Variants in MMP15 observed in about 807,000 individuals in gnomAD.
MMP15 encodes the protein matrix metalloproteinase-15.
Under a neutral mutation model 65.0 loss-of-function variants are expected in MMP15, and 36 were observed. The ratio of observed to expected loss-of-function variants is 0.55; its 90% confidence interval spans 0.42 to 0.73. The LOEUF (loss-of-function observed/expected upper bound fraction) is 0.73, where lower values mean the gene tolerates loss of function less well. Among genes scored for constraint, MMP15 ranks in the 30% least tolerant of loss-of-function variants. The pLI, the probability that MMP15 is intolerant of heterozygous loss-of-function variation, is 0.00. For synonymous variants in MMP15, 428 were observed against 410.2 expected, an observed-to-expected ratio of 1.04 and a Z score of -0.52; for missense variants, 870 against 987.8, an observed-to-expected ratio of 0.88 and a Z score of 1.60.
intron 1 of MMP15, among the ~76,000 whole-genome samples, chr16:58,034,191 TA>T (rs1392712869): frequency 6.6e-6 from 1 of 152,240 alleles, no homozygotes; most frequent in African/African-American, 2.4e-5. Flanking sequence ...TTCCTTGTAT[TA>T]GGGACAGTTT....
chr16:58,042,432 A>C, intron 7 of MMP15, 63 bp downstream of exon 7: 1 of 1,581,956 alleles, frequency 6.3e-7, no homozygotes, highest in Non-Finnish European at 8.6e-7. Context: ...ACCCTGCTGG[A>C]TCTGAGAGAA....
At chr16:58,037,195 C>T (rs1323125492) in intron 1 of MMP15, among the ~76,000 whole-genome samples, 1 of 152,174 alleles carries the variant, frequency 6.6e-6, no homozygotes, top group Non-Finnish European at 1.5e-5. Flanking sequence ...GGCCTTGTGG[C>T]TCTTGTACAA....
intron 1 of MMP15, among the ~76,000 whole-genome samples, chr16:58,036,991 G>A (rs937229632): frequency 2.6e-5 from 4 of 152,214 alleles, no homozygotes; most frequent in Non-Finnish European, 4.4e-5. Context: ...CCTTTTTAAC[G>A]TGTCAGAGAA....
intron 3 of MMP15, among the ~76,000 whole-genome samples, chr16:58,038,931 C>T (rs1040368700): frequency 6.6e-6 from 1 of 152,180 alleles, no homozygotes; most frequent in African/African-American, 2.4e-5. Flanking sequence ...CCTCAAGCCC[C>T]CAGAGTGAAT....
At position 58,039,944 on chromosome 16, in the gene MMP15, G is replaced by A; in HGVS notation, c.510G>A (p.Val170=). 6.2e-7 allele frequency: 1 copy of A among 1,613,488 alleles called. No individual in the cohort carries two copies. Among genetic ancestry groups the A allele is most frequent in the Non-Finnish European group, 8.5e-7 (1 of 1,179,830 alleles). Residue 170 remains valine (V), a synonymous_variant, in exon 4 of 10, where the codon GTG becomes GTA. Coordinates refer to ENST00000219271, the MANE Select transcript of MMP15 (RefSeq NM_002428.4). ...AGGCGGTGCGCAGGGCCTTCCGCGT[G>A]TGGGAGCAGGCCACGCCCCTGGTCT... ...SMEAVRRAFR[V]WEQATPLVFQ... is the part of the protein sequence containing the mutation.
At chr16:58,044,175 G>T (rs914430969) in intron 9 of MMP15, among the ~76,000 whole-genome samples, 3 of 152,240 alleles carry the variant, frequency 2.0e-5, no homozygotes, top group African/African-American at 7.2e-5. Context: ...GCCAGGTGTA[G>T]TGGCTCACGC....
At position 58,043,317 on chromosome 16, in the gene MMP15, T is replaced by G; in HGVS notation, c.1411T>G (p.Trp471Gly). The G allele has an allele frequency of 6.2e-7, 1 of 1,605,516 alleles. No individual in the cohort carries two copies. The highest frequency in any genetic ancestry group is 1.1e-5 in the South Asian group (1 of 89,856). The change falls in exon 8 of 10, where the codon TGG becomes GGG. Residue 471 changes from tryptophan (W) to glycine (G), a missense_variant. Trp to Gly is a radical substitution (Grantham distance 184). Coordinates refer to ENST00000219271, the MANE Select transcript of MMP15 (RefSeq NM_002428.4). The stretch of plus-strand genomic sequence containing the variant: ...CTATGACCGCATTGACACGGCCATC[T>G]GGTGGGAGCCCACAGGCCACACCTT... The part of the protein sequence containing the change: ...IPYDRIDTAI[W>G]WEPTGHTFFF...
intron 7 of MMP15, 56 bp from the exon 8 acceptor site, chr16:58,043,154 G>A (rs1004628964): frequency 1.1e-5 from 16 of 1,464,584 alleles, no homozygotes; most frequent in African/African-American, 4.2e-5. Flanking sequence ...TTCTTTTCCC[G>A]CACACACCCC....
At position 58,036,245 on chromosome 16, in the gene MMP15, C is replaced by T. The variant is rs34807095; in HGVS notation, c.163-1227C>T. On this transcript the variant is annotated intron_variant, in intron 1 of 9. Transcript: ENST00000219271. ...GCTCACTGCCTCCCATGGCGGTCACCGTGCTCTTGAGGGCTTGAGGACATG... is the reference window on the plus strand; with the variant it reads ...GCTCACTGCCTCCCATGGCGGTCACTGTGCTCTTGAGGGCTTGAGGACATG... 5.5e-3 allele frequency among the ~76,000 whole-genome samples: 833 copies of T among 152,316 alleles called. 11 individuals carry two copies. Among genetic ancestry groups the T allele is most frequent in the African/African-American group, 0.019 (793 of 41,558 alleles).
At position 58,025,902 on chromosome 16, in the gene MMP15, TCGGGCGCGGC is replaced by T. The variant is rs2142320109; in HGVS notation, c.-448_-439del. On this transcript the variant is annotated 5_prime_UTR_variant, in exon 1 of 10. Coordinates refer to ENST00000219271, the MANE Select transcript of MMP15 (RefSeq NM_002428.4). ...GGACTGCTTGGGGACCCGGGCCCGG[TCGGGCGCGGC>T]GGCGAGCAGAATCCCCGTGCAGGAG... is the stretch of plus-strand genomic sequence containing the variant. 1 of 151,868 alleles carries T rather than the reference TCGGGCGCGGC, an allele frequency of 6.6e-6. No individual in the cohort carries two copies. The highest frequency in any genetic ancestry group is 2.0e-4 in the East Asian group (1 of 5,116). 9.4% of individuals were successfully genotyped at this position (151,868 alleles called of 1,614,324 possible).
chr16:58,038,473 C>A, intron 3 of MMP15, 79 bp downstream of exon 3: 5 of 1,576,526 alleles, frequency 3.2e-6, no homozygotes, highest in Non-Finnish European at 4.3e-6. Flanking sequence ...GAGCCCACCT[C>A]GGCGCCCAGC....
rs116214602 is a variant in MMP15, at chr16:58,033,211, G to A, written c.163-4261G>A. ...AGATGTCGGGTGTGGGGAGGATTAG[G>A]CACCCTTCCCCGTGCTGTGCTGGGC... On this transcript the variant is annotated intron_variant, in intron 1 of 9. Transcript: ENST00000219271. Among the ~76,000 whole-genome samples, 540 of 152,324 alleles carry A rather than the reference G, an allele frequency of 3.5e-3. 2 individuals carry two copies. The highest frequency in any genetic ancestry group is 0.012 in the African/African-American group (513 of 41,562).
rs770073111 is a variant in MMP15 at position 58,041,758 on chromosome 16, G to T, written c.1052G>T (p.Gly351Val). ...AAGCCAGAGCGGCCCCCAAAGCCGG[G>T]CCCCCCAGTCCAGCCCCGAGCCACA... ...GGKPERPPKP[G>V]PPVQPRATER... Residue 351 changes from glycine to valine, a missense_variant, in exon 6 of 10, where the codon GGC (glycine) becomes GTC (valine). By Grantham distance (109) the Gly-to-Val change is moderately radical (BLOSUM62 -3). Transcript: ENST00000219271. 79 of 1,603,490 alleles carry T rather than the reference G, an allele frequency of 4.9e-5. No homozygotes were observed. The highest frequency in any genetic ancestry group is 6.2e-5 in the Non-Finnish European group (73 of 1,175,198).
At chr16:58,044,543 C>G (rs1047012157) in intron 9 of MMP15, among the ~76,000 whole-genome samples, 17 of 152,174 alleles carry the variant, frequency 1.1e-4, no homozygotes, top group Non-Finnish European at 2.4e-4. Flanking sequence ...TGATTGAAAC[C>G]TGGCCCTGCC....
chr16:58,040,395 G>A, intron 4 of MMP15, 142 bp from the exon 5 acceptor site: 1 of 1,151,558 alleles, frequency 8.7e-7, no homozygotes, highest in Non-Finnish European at 1.2e-6. Context: ...AGATGGGGTT[G>A]TTGTAGGCCG....
intron 2 of MMP15, among the ~76,000 whole-genome samples, 180 bp from the exon 3 acceptor site, chr16:58,038,086 A>G (rs1249324740): frequency 1.3e-5 from 2 of 152,246 alleles, no homozygotes; most frequent in African/African-American, 4.8e-5. Flanking sequence ...CTGGGCACTC[A>G]GTCTTCCAAT....
chr16:58,031,559 G>A (rs1446787387), intron 1 of MMP15, among the ~76,000 whole-genome samples: 1 of 152,158 alleles, frequency 6.6e-6, no homozygotes, highest in Non-Finnish European at 1.5e-5. Flanking sequence ...CCGCGCGCTG[G>A]CCAGGGAACC....
intron 4 of MMP15, 28 bp from the exon 5 acceptor site, chr16:58,040,509 T>G: frequency 6.2e-7 from 1 of 1,606,454 alleles, no homozygotes; most frequent in Non-Finnish European, 8.5e-7. Context: ...CACAGCTGAC[T>G]GTGCTGCCCT....
intron 1 of MMP15, among the ~76,000 whole-genome samples, chr16:58,035,091 G>T (rs1335885264): frequency 6.6e-6 from 1 of 152,218 alleles, no homozygotes; most frequent in Admixed American, 6.5e-5. Context: ...GCCTCCAGCT[G>T]CATTCCCTTT....
Sources: gnomAD v4.1 joint callset for allele counts (sites outside exome capture counted in the v4.1 genomes callset) on GRCh38, gnomAD v4.1.1 for gene constraint, MANE v1.5 for transcripts, NCBI Gene and HGNC (gene_info 2026-07-23, HGNC 2026-07-21) for gene names.